The following DSTYK variants were observed in gnomAD, a reference collection of about 807,000 sequenced individuals.
DSTYK encodes the protein RIP-homologous kinase.
Under a neutral mutation model 98.7 loss-of-function variants are expected in DSTYK, and 34 were observed. The observed-to-expected ratio is 0.34, with a 90% CI of 0.26 to 0.46. The LOEUF is 0.46. DSTYK is among the 20% of genes least tolerant of loss of function. The probability of loss-of-function intolerance (pLI) is 1.00; values close to 1 mark genes in which losing one functional copy is unlikely to be tolerated. For synonymous variants in DSTYK, 462 were observed against 457.3 expected (o/e 1.01, Z -0.13); for missense variants, 962 against 1,181.7 (o/e 0.81, Z 2.73).
chr1:205,197,482 G>A (rs994771054), intron 1 of DSTYK, among the ~76,000 whole-genome samples: 2 of 152,082 alleles, frequency 1.3e-5, no homozygotes, highest in Non-Finnish European at 2.9e-5. Context: ...CAACACTTAC[G>A]TATGTTTGAA....
intron 10 of DSTYK, among the ~76,000 whole-genome samples, chr1:205,154,089 G>A (rs956935245): frequency 1.3e-5 from 2 of 151,150 alleles, no homozygotes; most frequent in African/African-American, 4.9e-5. Context: ...GTGTGTGCAT[G>A]TATAGAGAGA....
chr1:205,208,756 C>G (rs1300073188), intron 1 of DSTYK, among the ~76,000 whole-genome samples: 3 of 152,164 alleles, frequency 2.0e-5, no homozygotes, highest in African/African-American at 7.2e-5. Context: ...AATAACTTGA[C>G]CTTACAAAGA....
At chr1:205,205,177 T>C (rs994680983) in intron 1 of DSTYK, among the ~76,000 whole-genome samples, 2 of 152,178 alleles carry the variant, frequency 1.3e-5, no homozygotes, top group South Asian at 2.1e-4. Flanking sequence ...TGAAATGCAC[T>C]GGCAACTCTT....
At position 205,147,707 on chromosome 1, in the gene DSTYK, A is replaced by C. The variant is rs1574742297; in HGVS notation, c.2641T>G (p.Cys881Gly). ...CAACAGGCTTCCATCAACTGCCAGCACTCCTCATCAAACACAGGAAGACGT... is the reference window on the plus strand; with the variant it reads ...CAACAGGCTTCCATCAACTGCCAGCCCTCCTCATCAAACACAGGAAGACGT... Reference protein sequence around the residue: ...PERLPVFDEECWQLMEACWDG... With the variant: ...PERLPVFDEEGWQLMEACWDG... Residue 881 changes from cysteine (C) to glycine (G), a missense_variant, in exon 13 of 13, where the codon TGC becomes GGC. Cys to Gly is a radical substitution (Grantham distance 159). Transcript: ENST00000367162. 1 of 1,613,906 alleles carries C rather than the reference A, an allele frequency of 6.2e-7. No individual in the cohort carries two copies. Among genetic ancestry groups the C allele is most frequent in the Non-Finnish European group, 8.5e-7 (1 of 1,179,974 alleles).
intron 10 of DSTYK, 112 bp downstream of exon 10, chr1:205,157,161 T>C (rs891859223): frequency 7.2e-6 from 6 of 833,054 alleles, no homozygotes; most frequent in Non-Finnish European, 5.9e-6. Context: ...AATGGACTAA[T>C]ACACTTTCTG....
intron 1 of DSTYK, among the ~76,000 whole-genome samples, chr1:205,207,345 C>T (rs1004492723): frequency 1.3e-5 from 2 of 151,424 alleles, no homozygotes; most frequent in African/African-American, 4.8e-5. Context: ...TCCCAAAGTG[C>T]TGGAATTACA....
chr1:205,161,420 T>C (rs766170445), intron 6 of DSTYK, 33 bp from the exon 7 acceptor site: 1 of 1,611,362 alleles, frequency 6.2e-7, no homozygotes, highest in Non-Finnish European at 8.5e-7. Context: ...ACATATGACT[T>C]AAGTCCCTAG....
chr1:205,164,449 C>G (rs1302087660), intron 3 of DSTYK, among the ~76,000 whole-genome samples: 1 of 148,310 alleles, frequency 6.7e-6, no homozygotes, highest in Non-Finnish European at 1.5e-5. Context: ...TAGAATGAGA[C>G]TGTTGATTTT....
intron 10 of DSTYK, among the ~76,000 whole-genome samples, chr1:205,153,767 G>A (rs113699533): frequency 0.31 from 46,403 of 151,440 alleles, 8,825 homozygotes; most frequent in Non-Finnish European, 0.43. Flanking sequence ...GCAGTGGTGC[G>A]ATCTTGGCTT....
At chr1:205,155,856 GA>G (rs1172991117) in intron 10 of DSTYK, among the ~76,000 whole-genome samples, 2 of 152,172 alleles carry the variant, frequency 1.3e-5, no homozygotes, top group Non-Finnish European at 2.9e-5. Context: ...GTCTAGGAGG[GA>G]AAAATGGTTC....
chr1:205,159,897 A>C, intron 8 of DSTYK: 1 of 792,352 alleles, frequency 1.3e-6, no homozygotes. Context: ...TTAAGGACTA[A>C]AGAAGAAAGT....
chr1:205,206,075 A>C (rs1035671571), intron 1 of DSTYK, among the ~76,000 whole-genome samples: 1 of 152,212 alleles, frequency 6.6e-6, no homozygotes, highest in Non-Finnish European at 1.5e-5. Flanking sequence ...ATTGATGATA[A>C]TTATAATTAT....
chr1:205,189,083 A>G (rs1224120343), intron 1 of DSTYK, among the ~76,000 whole-genome samples: 8 of 152,182 alleles, frequency 5.3e-5, no homozygotes, highest in Admixed American at 5.2e-4. Flanking sequence ...ACTATGTGTC[A>G]ATTTAAAAAA....
At chr1:205,158,056 G>T (rs1195875705) in intron 9 of DSTYK, among the ~76,000 whole-genome samples, 1 of 152,140 alleles carries the variant, frequency 6.6e-6, no homozygotes, top group Non-Finnish European at 1.5e-5. Context: ...GTTAGCCCAG[G>T]TTTGGTTTTA....
chr1:205,162,202 C>T lies in DSTYK; in HGVS notation c.1652G>A (p.Arg551His), dbSNP rs765772515. ...GGCAGGTGGGCTCACCCATGTGATG[C>T]GCTGGATGATCTACCAGGATGAAGA... ...LWEQIKQIIQ[R>H]ITWVSPPAIT... Residue 551 changes from arginine (R) to histidine (H), a missense_variant, in exon 6 of 13, where the codon CGC becomes CAC. Around this residue, in one of 4 missense-constraint regions of DSTYK, gnomAD observed 660 missense variants for 855.0 expected, o/e 0.77. Transcript: ENST00000367162. 45 of 1,613,672 alleles carry T rather than the reference C, an allele frequency of 2.8e-5. No homozygotes were observed. The highest frequency in any genetic ancestry group is 9.3e-5 in the African/African-American group (7 of 74,922).
chr1:205,180,618 C>A (rs1206777823), intron 2 of DSTYK, among the ~76,000 whole-genome samples: 1 of 152,164 alleles, frequency 6.6e-6, no homozygotes, highest in Admixed American at 6.5e-5. Flanking sequence ...GCATGTGCTA[C>A]CACACCCAGC....
intron 2 of DSTYK, among the ~76,000 whole-genome samples, chr1:205,181,658 GTGTGTGTGT>G (rs1658406256): frequency 4.3e-5 from 3 of 69,146 alleles, no homozygotes; most frequent in Middle Eastern, 0.011. Flanking sequence ...GTTGGGGTTT[GTGTGTGTGT>G]GTGTGTGTGT....
intron 2 of DSTYK, among the ~76,000 whole-genome samples, chr1:205,174,364 T>G (rs1418957282): frequency 6.6e-6 from 1 of 151,820 alleles, no homozygotes; most frequent in Non-Finnish European, 1.5e-5. Flanking sequence ...AATACAAAAA[T>G]TAGCTGAGTG....
At position 205,190,666 on chromosome 1, in the gene DSTYK, T is replaced by C. The variant is rs368304582; in HGVS notation, c.266-2860A>G. Among the ~76,000 whole-genome samples, 556 of 151,240 alleles carry C rather than the reference T, an allele frequency of 3.7e-3. 2 individuals are homozygous for C. The highest frequency in any genetic ancestry group is 6.0e-3 in the Non-Finnish European group (405 of 67,844). On this transcript the variant is annotated intron_variant, in intron 1 of 12. Coordinates refer to ENST00000367162, the MANE Select transcript of DSTYK (RefSeq NM_015375.3). ...AAGAGTAGGACCCTTCCATTCATCTTGTGGAATTTAACTACCATAGTCTCA... is the reference window on the plus strand; with the variant it reads ...AAGAGTAGGACCCTTCCATTCATCTCGTGGAATTTAACTACCATAGTCTCA...
Sources: allele counts gnomAD v4.1 joint callset (sites outside exome capture counted in the v4.1 genomes callset), GRCh38; gene constraint gnomAD v4.1.1; regional missense constraint gnomAD v4.1.1; transcripts MANE v1.5; gene names NCBI Gene and HGNC (gene_info 2026-07-23, HGNC 2026-07-21).